The following PAPOLG variants were observed in gnomAD, a reference collection of about 807,000 sequenced individuals.
PAPOLG encodes the protein poly(A) polymerase gamma, also known as PAP-gamma.
In PAPOLG, 40 loss-of-function variants were observed where a neutral mutation model predicts 99.0. The ratio of observed to expected loss-of-function variants is 0.40; its 90% CI spans 0.31 to 0.53. The LOEUF is 0.53. Among genes scored for constraint, PAPOLG ranks in the 20% least tolerant of loss-of-function variants. PAPOLG has a pLI of 0.41. For synonymous variants in PAPOLG, 310 were observed against 299.3 expected, an observed-to-expected ratio of 1.04 and a Z score of -0.37; for missense variants, 675 against 884.1, an observed-to-expected ratio of 0.76 and a Z score of 3.00.
chr2:60,776,511 A>G lies in PAPOLG; in HGVS notation c.694+1388A>G, dbSNP rs1185030. On this transcript the variant is annotated intron_variant, in intron 8 of 21. Coordinates refer to ENST00000238714, the MANE Select transcript of PAPOLG (RefSeq NM_022894.4). ...GGCGCGATCTCAGCTCACGGCAACCACCGCCTCCTGGGTTCAAGTGATTCT... is the reference window on the plus strand; with the variant it reads ...GGCGCGATCTCAGCTCACGGCAACCGCCGCCTCCTGGGTTCAAGTGATTCT... 4.5e-3 allele frequency among the ~76,000 whole-genome samples: 596 copies of G among 132,694 alleles called. 3 individuals carry two copies. The highest frequency in any genetic ancestry group is 0.016 in the African/African-American group (564 of 34,348). 87.1% of individuals were successfully genotyped at this position (132,694 alleles called of 152,430 possible).
Position 60,797,090 on chromosome 2 carries a change from C to G in PAPOLG, c.2141C>G (p.Ser714Ter), listed in dbSNP as rs1389349764. Residue 714 changes from serine (S) to a stop codon, truncating the protein, a stop_gained, in exon 22 of 22, where the codon TCA (serine) becomes TGA (stop). Coordinates refer to ENST00000238714, the MANE Select transcript of PAPOLG (RefSeq NM_022894.4). LOFTEE classifies it high-confidence loss of function. ...CTACCCAGTAAAGAACTACCAGATT[C>G]ATCATCTCCAGTTCCAGCAAACAAC... ...KRLPSKELPDSSSPVPANNIR... is the reference protein window; with the variant it reads ...KRLPSKELPD 6.2e-7 allele frequency: 1 copy of G among 1,613,020 alleles called. No individual in the cohort carries two copies. Among genetic ancestry groups the G allele is most frequent in the South Asian group, 1.1e-5 (1 of 91,070 alleles).
chr2:60,791,662 T>C (rs1671540632), intron 15 of PAPOLG, 99 bp from the exon 16 acceptor site: 1 of 1,429,218 alleles, frequency 7.0e-7, no homozygotes, highest in African/African-American at 1.4e-5. Context: ...CCGGTGGTGA[T>C]AGTGGGGAGA....
chr2:60,779,944 A>G (rs1671139142), intron 9 of PAPOLG, among the ~76,000 whole-genome samples, 169 bp downstream of exon 9: 1 of 152,214 alleles, frequency 6.6e-6, no homozygotes, highest in South Asian at 2.1e-4. Flanking sequence ...TCTAATTGGC[A>G]CCTTCTTCCA....
rs375175457 is a variant in PAPOLG, at chr2:60,797,129, A to G, written c.2180A>G (p.Lys727Arg). 8.1e-6 allele frequency: 13 copies of G among 1,614,022 alleles called. No homozygotes were observed. Among genetic ancestry groups the G allele is most frequent in the African/African-American group, 6.7e-5 (5 of 74,932 alleles). Residue 727 changes from lysine to arginine, a missense_variant, in exon 22 of 22, where the codon AAA becomes AGA. Around this residue, in one of 3 missense-constraint regions of PAPOLG, gnomAD observed 413 missense variants for 460.5 expected, o/e 0.90. Transcript: ENST00000238714. ...PVPANNIRVIKNSIRLTLNR is the reference protein window; with the variant it reads ...PVPANNIRVIRNSIRLTLNR The stretch of plus-strand genomic sequence containing the variant: ...CCAGCAAACAACATCCGTGTCATCA[A>G]AAATTCCATTCGACTGACCCTTAAT...
intron 3 of PAPOLG, among the ~76,000 whole-genome samples, chr2:60,764,678 G>A (rs1000629110): frequency 6.6e-6 from 1 of 152,068 alleles, no homozygotes; most frequent in Non-Finnish European, 1.5e-5. Context: ...CAACTGCCTT[G>A]GCCTCCCAAA....
chr2:60,757,016 C>G (rs543054976), intron 1 of PAPOLG, among the ~76,000 whole-genome samples: 17 of 152,290 alleles, frequency 1.1e-4, no homozygotes, highest in Non-Finnish European at 2.5e-4. Context: ...CCCACCTACC[C>G]ACAACATCTA....
chr2:60,758,618 G>A (rs1274317907), intron 1 of PAPOLG, among the ~76,000 whole-genome samples: 2 of 151,810 alleles, frequency 1.3e-5, no homozygotes, highest in African/African-American at 4.8e-5. Context: ...CAGTAGAGAC[G>A]GGGTTTCACC....
chr2:60,772,801 A>C (rs1453969998), intron 7 of PAPOLG, among the ~76,000 whole-genome samples: 2 of 152,232 alleles, frequency 1.3e-5, no homozygotes, highest in Non-Finnish European at 2.9e-5. Flanking sequence ...GAGTGTTTTA[A>C]TAGCCTTTTC....
At position 60,768,571 on chromosome 2, in the gene PAPOLG, C is replaced by G; in HGVS notation, c.328+20C>G. The G allele has an allele frequency of 6.5e-7, 1 of 1,549,602 alleles. No individual in the cohort carries two copies. Among genetic ancestry groups the G allele is most frequent in the Non-Finnish European group, 8.9e-7 (1 of 1,126,318 alleles). ...CCAAAGGTAACTGCTTTTCTGTGTT[C>G]TAGTGCTAAGAACATTCAATAACAA... On this transcript the variant is annotated intron_variant, in intron 4 of 21. Transcript: ENST00000238714.
In PAPOLG at chr2:60,798,863, G is replaced by A. The variant is rs1671787856; in HGVS notation, c.*1703G>A. 1 of 152,270 alleles carries A rather than the reference G, an allele frequency of 6.6e-6. No homozygotes were observed. Among genetic ancestry groups the A allele is most frequent in the Non-Finnish European group, 1.5e-5 (1 of 68,014 alleles). 9.4% of individuals were successfully genotyped at this position (152,270 alleles called of 1,614,324 possible). On this transcript the variant is annotated 3_prime_UTR_variant, in exon 22 of 22. Coordinates refer to ENST00000238714, the MANE Select transcript of PAPOLG (RefSeq NM_022894.4). The stretch of plus-strand genomic sequence containing the variant: ...TTGTACCATGGAAAACATGAAAAGA[G>A]TCTTAGAAGTAAAGAACAACAAGGA...
chr2:60,783,017 C>A, intron 12 of PAPOLG, 139 bp from the exon 13 acceptor site: 2 of 903,984 alleles, frequency 2.2e-6, no homozygotes, highest in Non-Finnish European at 3.1e-6. Flanking sequence ...AAAATCAGAG[C>A]ACATTTAATT....
intron 8 of PAPOLG, 62 bp downstream of exon 8, chr2:60,775,185 A>G (rs1244189098): frequency 6.6e-7 from 1 of 1,525,612 alleles, no homozygotes; most frequent in Non-Finnish European, 8.9e-7. Flanking sequence ...TGCCAGTGAA[A>G]GAAGCATATA....
At chr2:60,764,220 G>A (rs1210359194) in intron 3 of PAPOLG, among the ~76,000 whole-genome samples, 5 of 152,114 alleles carry the variant, frequency 3.3e-5, no homozygotes, top group African/African-American at 1.2e-4. Context: ...TCATCACTAG[G>A]TAGCCCATAC....
rs1671252929 is a variant in PAPOLG at position 60,783,326 on chromosome 2, T to C, written c.1166+117T>C. 2.5e-5 allele frequency: 8 copies of C among 315,948 alleles called. No homozygotes were observed. The South Asian group carries it at 3.2e-4, about 13-fold the overall frequency. The allele number at this position is 315,948 out of a possible 1,614,324, so 19.6% of individuals were successfully genotyped here. On this transcript the variant is annotated intron_variant, in intron 13 of 21. Transcript: ENST00000238714. ...TGATTTTCAAAATTATTATATCTCTTTTTTTTTTTTTTTTTTTTGAGACAA... is the reference window on the plus strand; with the variant it reads ...TGATTTTCAAAATTATTATATCTCTCTTTTTTTTTTTTTTTTTTGAGACAA...
At chr2:60,795,225 A>C (rs562696580) in intron 21 of PAPOLG, 9 of 658,806 alleles carry the variant, frequency 1.4e-5, no homozygotes, top group African/African-American at 1.8e-5. Flanking sequence ...AAAAAGAGGC[A>C]GTAGTTTAAG....
At position 60,768,864 on chromosome 2, in the gene PAPOLG, C is replaced by T; in HGVS notation, c.412C>T (p.His138Tyr). The T allele has an allele frequency of 1.9e-6, 3 of 1,596,910 alleles. No individual in the cohort carries two copies. The highest frequency in any genetic ancestry group is 8.5e-7 in the Non-Finnish European group (1 of 1,170,132). ...TCAGTCTTTTTTTGAAAAATTGAAA[C>T]ATCAAGATGGCATTAGAAACTTAAG... ...FFQSFFEKLKHQDGIRNLRAV... is the reference protein window; with the variant it reads ...FFQSFFEKLKYQDGIRNLRAV... Residue 138 changes from histidine (H) to tyrosine (Y), a missense_variant, in exon 5 of 22, where the codon CAT (histidine) becomes TAT (tyrosine). His to Tyr is a moderately conservative substitution (Grantham distance 83, BLOSUM62 2). Around this residue, in one of 3 missense-constraint regions of PAPOLG, gnomAD observed 149 missense variants for 192.1 expected, o/e 0.78. Transcript: ENST00000238714.
Position 60,756,442 on chromosome 2 carries a change from C to A in PAPOLG, c.-37C>A. On this transcript the variant is annotated 5_prime_UTR_variant, in exon 1 of 22. Transcript: ENST00000238714. The stretch of plus-strand genomic sequence containing the variant: ...GAACAGCAAGAACAGGACTCCAGAG[C>A]GATAAACACTCGCTGGAGAGGGAGA... 1 of 1,611,826 alleles carries A rather than the reference C, an allele frequency of 6.2e-7. No homozygotes were observed.
chr2:60,779,899 G>A (rs1671138194), intron 9 of PAPOLG, 124 bp downstream of exon 9: 2 of 848,362 alleles, frequency 2.4e-6, no homozygotes, highest in Non-Finnish European at 3.5e-6. Flanking sequence ...AAAGTTGAAA[G>A]TATAAAACAT....
chr2:60,781,924 AC>A lies in PAPOLG; in HGVS notation c.950del (p.Pro317LeufsTer19). On this transcript the variant is annotated frameshift_variant, in exon 11 of 22. Coordinates refer to ENST00000238714, the MANE Select transcript of PAPOLG (RefSeq NM_022894.4). LOFTEE classifies it high-confidence loss of function. ...TAGGTATCATCTCATGCCCATAATC[AC>A]CCCTGCCTACCCACAACAGAATTCT... ...SDRYHLMPIITPAYPQQNSTY... is the reference protein window; with the variant it reads ...SDRYHLMPIIXPAYPQQNSTY... The A allele has an allele frequency of 6.2e-7, 1 of 1,613,550 alleles. No homozygotes were observed. Among genetic ancestry groups the A allele is most frequent in the Non-Finnish European group, 8.5e-7 (1 of 1,179,662 alleles).
Sources: allele counts gnomAD v4.1 joint callset (sites outside exome capture counted in the v4.1 genomes callset), GRCh38; gene constraint gnomAD v4.1.1; regional missense constraint gnomAD v4.1.1; transcripts MANE v1.5; gene names NCBI Gene and HGNC (gene_info 2026-07-23, HGNC 2026-07-21).